The following CAMSAP1 variants were observed in gnomAD, a reference collection of about 807,000 sequenced individuals.
The protein encoded by CAMSAP1 is calmodulin regulated spectrin associated protein 1.
Under a neutral mutation model 143.5 loss-of-function variants are expected in CAMSAP1, and 58 were observed. That is an observed-to-expected ratio of 0.40 (90% CI 0.33 to 0.50). CAMSAP1 has a LOEUF of 0.50. Ranked by LOEUF, CAMSAP1 falls within the 20% of genes least tolerant of loss-of-function variation. The probability of loss-of-function intolerance (pLI) is 0.45; values close to 1 mark genes in which losing one functional copy is unlikely to be tolerated. For synonymous variants in CAMSAP1, 945 were observed against 859.3 expected, an observed-to-expected ratio of 1.10 and a Z score of -1.74; for missense variants, 1,969 against 2,115.7, an observed-to-expected ratio of 0.93 and a Z score of 1.36.
At chr9:135,893,053 C>T (rs1838336864) in intron 1 of CAMSAP1, among the ~76,000 whole-genome samples, 1 of 151,494 alleles carries the variant, frequency 6.6e-6, no homozygotes, top group Non-Finnish European at 1.5e-5. Flanking sequence ...GCCTGTAGTC[C>T]CTGCTCCTCA....
chr9:135,862,536 C>G lies in CAMSAP1; in HGVS notation c.739G>C (p.Asp247His). ...AAGAGAGCAGCACCATCACTGCCGT[C>G]TCTCATCAAATCCTCCAACAACGGG... is the stretch of plus-strand genomic sequence containing the variant. The part of the protein sequence containing the change: ...YFPLLEDLMR[D>H]GSDGAALLAV... The change falls in exon 5 of 17, where the codon GAC becomes CAC. Residue 247 changes from aspartate to histidine, a missense_variant. Coordinates refer to ENST00000389532, the MANE Select transcript of CAMSAP1 (RefSeq NM_015447.4). 6.4e-7 allele frequency: 1 copy of G among 1,551,728 alleles called. No individual in the cohort carries two copies. Among genetic ancestry groups the G allele is most frequent in the Non-Finnish European group, 8.7e-7 (1 of 1,147,006 alleles).
chr9:135,881,139 T>TC (rs1837932121), intron 3 of CAMSAP1, among the ~76,000 whole-genome samples: 1 of 151,902 alleles, frequency 6.6e-6, no homozygotes, highest in Non-Finnish European at 1.5e-5. Context: ...GCCCAGGAGT[T>TC]CGAGACCAGC....
chr9:135,850,059 G>C, intron 7 of CAMSAP1, 78 bp downstream of exon 7: 1 of 1,164,086 alleles, frequency 8.6e-7, no homozygotes, highest in Non-Finnish European at 1.2e-6. Flanking sequence ...GAGAAACATG[G>C]AACCACTGGA....
At position 135,811,759 on chromosome 9, in the gene CAMSAP1, C is replaced by G; in HGVS notation, c.4507-148G>C. On this transcript the variant is annotated intron_variant, in intron 16 of 16. Coordinates refer to ENST00000389532, the MANE Select transcript of CAMSAP1 (RefSeq NM_015447.4). This position sits in a 1 kb window ranked among gnomAD's most constrained non-coding sequence, Gnocchi z 4.9. ...ACGGCCTGCCTGTTGTAAACAATTA[C>G]AGCAGACCCCTGTACGGGAGCATTA... 1.4e-6 allele frequency: 1 copy of G among 701,710 alleles called. No homozygotes were observed. The highest frequency in any genetic ancestry group is 2.4e-6 in the Non-Finnish European group (1 of 421,540). The allele number at this position is 701,710 out of a possible 1,614,324, so 43.5% of individuals were successfully genotyped here.
Position 135,822,736 on chromosome 9 carries a change from C to G in CAMSAP1, c.1925G>C (p.Gly642Ala), listed in dbSNP as rs759888454. ...PQPLVRRKMT[G>A]SRDLNRTFTP... The stretch of plus-strand genomic sequence containing the variant: ...AAAAGTCCTATTCAAGTCGCGACTG[C>G]CAGTCATTTTCCTTCGTACCAAAGG... The change falls in exon 11 of 17, where the codon GGC becomes GCC. Residue 642 changes from glycine (G) to alanine (A), a missense_variant. Physicochemically the swap from Gly to Ala is moderately conservative, Grantham distance 60. Transcript: ENST00000389532. This position sits in a 1 kb window ranked among gnomAD's most constrained non-coding sequence, Gnocchi z 6.1. 1 of 1,612,598 alleles carries G rather than the reference C, an allele frequency of 6.2e-7. No homozygotes were observed. The highest frequency in any genetic ancestry group is 1.1e-5 in the South Asian group (1 of 91,026).
intron 3 of CAMSAP1, among the ~76,000 whole-genome samples, chr9:135,881,058 A>G (rs1277392730): frequency 1.3e-5 from 2 of 152,038 alleles, no homozygotes; most frequent in African/African-American, 4.8e-5. Flanking sequence ...GAAATTATTC[A>G]CTGGCCAGGT....
chr9:135,872,469 AG>A (rs1837599482), intron 3 of CAMSAP1, among the ~76,000 whole-genome samples: 1 of 152,234 alleles, frequency 6.6e-6, no homozygotes, highest in Non-Finnish European at 1.5e-5. Context: ...AAAAGAGGGA[AG>A]AAAAAGAAAA....
rs1390985695 is a variant in CAMSAP1, at chr9:135,824,397, T to C, written c.1316-363A>G. 6.6e-6 allele frequency among the ~76,000 whole-genome samples: 1 copy of C among 152,234 alleles called. No homozygotes were observed. The highest frequency in any genetic ancestry group is 1.5e-5 in the Non-Finnish European group (1 of 68,036). ...AAATCACTACATCAGCCGGGCACAG[T>C]GGCTCACACCTGTAATTCCAGCACT... On this transcript the variant is annotated intron_variant, in intron 9 of 16. Transcript: ENST00000389532. This position sits in a 1 kb window ranked among gnomAD's most constrained non-coding sequence, Gnocchi z 4.1.
At chr9:135,899,178 A>T (rs1036478434) in intron 1 of CAMSAP1, among the ~76,000 whole-genome samples, 2 of 151,724 alleles carry the variant, frequency 1.3e-5, no homozygotes, top group Admixed American at 1.3e-4. Context: ...GGAAGTAATG[A>T]GAATGCTGTC....
chr9:135,850,507 C>T lies in CAMSAP1; in HGVS notation c.809-46G>A, dbSNP rs772845735. On this transcript the variant is annotated intron_variant, in intron 5 of 16. Transcript: ENST00000389532. ...CACAATTTATTGTAAAGGTATTCTG[C>T]TTCGAGAGAGAGAGAAGCATTCTAA... 13 of 1,466,252 alleles carry T rather than the reference C, an allele frequency of 8.9e-6. No homozygotes were observed. In the Admixed American group the frequency reaches 2.4e-4, roughly 27 times the overall value. 90.8% of individuals were successfully genotyped at this position (1,466,252 alleles called of 1,614,324 possible). A position where few individuals can be genotyped will look rare whatever the true frequency, so the allele number is the denominator to read the frequency against.
chr9:135,829,154 A>T (rs1835771684), intron 7 of CAMSAP1, among the ~76,000 whole-genome samples: 1 of 152,226 alleles, frequency 6.6e-6, no homozygotes. Context: ...AGACACAAAC[A>T]TAATACTGTA....
intron 1 of CAMSAP1, among the ~76,000 whole-genome samples, chr9:135,905,367 G>A (rs1265388857): frequency 7.2e-5 from 11 of 152,218 alleles, no homozygotes; most frequent in Non-Finnish European, 1.6e-4. Context: ...AAAGCAGATC[G>A]TGAAAGTTCT....
chr9:135,821,179 T>A lies in CAMSAP1; in HGVS notation c.3482A>T (p.His1161Leu). The A allele has an allele frequency of 6.2e-7, 1 of 1,610,650 alleles. No individual in the cohort carries two copies. Among genetic ancestry groups the A allele is most frequent in the Non-Finnish European group, 8.5e-7 (1 of 1,179,878 alleles). ...GTAACTGTCGAAGAGACACTTCCCA[T>A]GTGGGTCACCACTGGGCTCCAGGGC... ...DSALEPSGDPHGKCLFDSYRL... is the reference protein window; with the variant it reads ...DSALEPSGDPLGKCLFDSYRL... The change falls in exon 11 of 17, where the codon CAT (histidine) becomes CTT (leucine). Residue 1161 changes from histidine (H) to leucine (L), a missense_variant. By Grantham distance (99) the His-to-Leu change is moderately conservative. This residue lies in a region of CAMSAP1 where 1,390 missense variants were observed against 1,420.8 expected (regional missense o/e 0.98). Coordinates refer to ENST00000389532, the MANE Select transcript of CAMSAP1 (RefSeq NM_015447.4). This position sits in a 1 kb window ranked among gnomAD's most constrained non-coding sequence, Gnocchi z 4.6.
chr9:135,876,018 T>C (rs1381311892), intron 3 of CAMSAP1, among the ~76,000 whole-genome samples: 7 of 152,216 alleles, frequency 4.6e-5, no homozygotes, highest in Non-Finnish European at 7.3e-5. Context: ...TGCAGTGGCA[T>C]GATCTCAGCT....
In CAMSAP1 at chr9:135,820,877, C is replaced by T. The variant is rs2131655223; in HGVS notation, c.3784G>A (p.Glu1262Lys). The change falls in exon 11 of 17, where the codon GAA becomes AAA. Residue 1262 changes from glutamate (E) to lysine (K), a missense_variant. Transcript: ENST00000389532. This position sits in a 1 kb window ranked among gnomAD's most constrained non-coding sequence, Gnocchi z 4.4. ...CCGACCCCCGGCTTCTGGTCGCCTTCGCTGACAAGGTCCGCCGAGCCATCG... is the reference window on the plus strand; with the variant it reads ...CCGACCCCCGGCTTCTGGTCGCCTTTGCTGACAAGGTCCGCCGAGCCATCG... The part of the protein sequence containing the change: ...SLDGSADLVS[E>K]GDQKPGVGFF... The T allele has an allele frequency of 1.9e-6, 3 of 1,613,576 alleles. No individual in the cohort carries two copies. The highest frequency in any genetic ancestry group is 1.7e-6 in the Non-Finnish European group (2 of 1,179,898).
intron 1 of CAMSAP1, among the ~76,000 whole-genome samples, chr9:135,894,482 G>A (rs927277369): frequency 9.2e-5 from 14 of 152,314 alleles, no homozygotes; most frequent in African/African-American, 2.9e-4. Flanking sequence ...GGTCCTGTGC[G>A]CAGAGACTCC....
At chr9:135,844,120 C>A (rs1265721885) in intron 7 of CAMSAP1, among the ~76,000 whole-genome samples, 1 of 152,154 alleles carries the variant, frequency 6.6e-6, no homozygotes, top group Admixed American at 6.5e-5. Flanking sequence ...ATCAAGAGAA[C>A]TCTCCACCCC....
chr9:135,822,780 C>A lies in CAMSAP1; in HGVS notation c.1881G>T (p.Arg627Ser). The change falls in exon 11 of 17, where the codon AGG (arginine) becomes AGT (serine). Residue 627 changes from arginine to serine, a missense_variant. By Grantham distance (110) the Arg-to-Ser change is moderately radical. Transcript: ENST00000389532. The surrounding 1 kb of genome is among the most constrained non-coding windows in gnomAD (Gnocchi z 6.1). Reference protein sequence around the residue: ...EGRPRSIVSRRPSEGPQPLVR... With the variant: ...EGRPRSIVSRSPSEGPQPLVR... ...CCAAAGGCTGGGGGCCCTCGCTGGGCCTCCTAGACACGATGCTCCTCGGTC... is the reference window on the plus strand; with the variant it reads ...CCAAAGGCTGGGGGCCCTCGCTGGGACTCCTAGACACGATGCTCCTCGGTC... 1.2e-6 allele frequency: 2 copies of A among 1,613,908 alleles called. No individual in the cohort carries two copies. The highest frequency in any genetic ancestry group is 1.7e-6 in the Non-Finnish European group (2 of 1,179,864).
rs1838817989 is a variant in CAMSAP1 at position 135,907,354 on chromosome 9, C to CGCTGAGCCCGAGCGGAGGAGGT, written c.-217_-196dup. Reference sequence around the variant, plus strand: ...CCCCGCGGCTGCTGCATGCTGCGGGCGCTGAGCCCGAGCGGAGGAGGTGCC... The same window carrying CGCTGAGCCCGAGCGGAGGAGGT: ...CCCCGCGGCTGCTGCATGCTGCGGGCGCTGAGCCCGAGCGGAGGAGGTGCTGAGCCCGAGCGGAGGAGGTGCC... On this transcript the variant is annotated 5_prime_UTR_variant, in exon 1 of 17. Transcript: ENST00000389532. 5.5e-6 allele frequency: 1 copy of CGCTGAGCCCGAGCGGAGGAGGT among 181,256 alleles called. No homozygotes were observed. The highest frequency in any genetic ancestry group is 6.8e-5 in the Admixed American group (1 of 14,808). The allele number at this position is 181,256 out of a possible 1,614,324, so 11.2% of individuals were successfully genotyped here. A position where few individuals can be genotyped will look rare whatever the true frequency, so the allele number is the denominator to read the frequency against.
Sources: allele counts gnomAD v4.1 joint callset (sites outside exome capture counted in the v4.1 genomes callset), GRCh38; gene constraint gnomAD v4.1.1; regional missense constraint gnomAD v4.1.1; non-coding constraint Gnocchi (gnomAD v3.1); transcripts MANE v1.5; gene names NCBI Gene and HGNC (gene_info 2026-07-23, HGNC 2026-07-21).